The following MARCHF1 variants were observed in gnomAD, a reference collection of about 807,000 sequenced individuals.
MARCHF1 encodes E3 ubiquitin-protein ligase MARCHF1.
A neutral mutation model predicts 54.2 loss-of-function variants in MARCHF1; 40 were observed. The ratio of observed to expected loss-of-function variants is 0.74; its 90% confidence interval spans 0.57 to 0.96. The LOEUF (loss-of-function observed/expected upper bound fraction) is 0.96, where lower values mean the gene tolerates loss of function less well. MARCHF1 is among the 40% of genes least tolerant of loss of function. The pLI, the probability that MARCHF1 is intolerant of heterozygous loss-of-function variation, is 0.00. For synonymous variants in MARCHF1, 236 were observed against 236.3 expected, an observed-to-expected ratio of 1.00 and a Z score of 0.01; for missense variants, 586 against 656.5, an observed-to-expected ratio of 0.89 and a Z score of 1.17.
intron 9 of MARCHF1, among the ~76,000 whole-genome samples, chr4:163,534,832 G>A (rs1012450764): frequency 2.0e-5 from 3 of 151,878 alleles, no homozygotes; most frequent in African/African-American, 2.4e-5. Context: ...CATTTGCAAC[G>A]AACACGTGTT....
intron 1 of MARCHF1, among the ~76,000 whole-genome samples, chr4:164,235,178 G>A (rs905884841): frequency 2.0e-5 from 3 of 151,878 alleles, no homozygotes; most frequent in African/African-American, 4.8e-5. Flanking sequence ...AAACATTCTC[G>A]ATTTTATCCA....
intron 1 of MARCHF1, among the ~76,000 whole-genome samples, chr4:164,118,444 C>CATATAAGT (rs1560912861): frequency 1.3e-5 from 2 of 150,350 alleles, no homozygotes; most frequent in Admixed American, 1.3e-4. Flanking sequence ...TTTGTATAAA[C>CATATAAGT]ATATAAATAA....
At chr4:163,609,284 C>T (rs1741244667) in intron 7 of MARCHF1, among the ~76,000 whole-genome samples, 1 of 152,016 alleles carries the variant, frequency 6.6e-6, no homozygotes, top group African/African-American at 2.4e-5. Flanking sequence ...CTATGTCTTT[C>T]CTAAATCAAC....
intron 5 of MARCHF1, among the ~76,000 whole-genome samples, chr4:163,649,096 T>A (rs1742871434): frequency 6.6e-6 from 1 of 152,070 alleles, no homozygotes; most frequent in Non-Finnish European, 1.5e-5. Context: ...TAGAATATGC[T>A]GAGCTTCACT....
intron 4 of MARCHF1, among the ~76,000 whole-genome samples, chr4:163,706,115 T>C (rs549071714): frequency 1.3e-5 from 2 of 152,070 alleles, no homozygotes; most frequent in Admixed American, 6.6e-5. Flanking sequence ...TGGTTATAGG[T>C]TGCCTAAGGT....
At chr4:163,941,971 G>A (rs1029414880) in intron 3 of MARCHF1, among the ~76,000 whole-genome samples, 2 of 152,056 alleles carry the variant, frequency 1.3e-5, no homozygotes, top group African/African-American at 4.8e-5. Context: ...TTTCTTCTCT[G>A]TGTTTACTTT....
At chr4:164,239,126 T>A (rs1167641166) in intron 1 of MARCHF1, among the ~76,000 whole-genome samples, 2 of 152,116 alleles carry the variant, frequency 1.3e-5, no homozygotes, top group African/African-American at 4.8e-5. Context: ...AATCACTTCA[T>A]TCATTCATGT....
At chr4:163,994,756 C>CACACACAA (rs1753037413) in intron 2 of MARCHF1, among the ~76,000 whole-genome samples, 3 of 127,810 alleles carry the variant, frequency 2.3e-5, no homozygotes, top group African/African-American at 8.8e-5. Context: ...CACACACACA[C>CACACACAA]ACACACACAC....
intron 2 of MARCHF1, among the ~76,000 whole-genome samples, chr4:164,074,027 A>G (rs745962877): frequency 6.6e-6 from 1 of 152,176 alleles, no homozygotes; most frequent in East Asian, 1.9e-4. Flanking sequence ...GATGGTGTCA[A>G]TCTCTTGCCC....
intron 8 of MARCHF1, among the ~76,000 whole-genome samples, chr4:163,563,046 C>T (rs1345720588): frequency 2.0e-5 from 3 of 152,210 alleles, no homozygotes; most frequent in Admixed American, 2.0e-4. Flanking sequence ...GTTCTCCACA[C>T]ATTGCTGTGG....
At chr4:163,714,045 G>C (rs1040721342) in intron 4 of MARCHF1, among the ~76,000 whole-genome samples, 1 of 152,156 alleles carries the variant, frequency 6.6e-6, no homozygotes, top group African/African-American at 2.4e-5. Context: ...CCACCCACAA[G>C]CTATGTAACC....
intron 2 of MARCHF1, among the ~76,000 whole-genome samples, chr4:164,003,349 A>G (rs1046974693): frequency 1.3e-5 from 2 of 152,096 alleles, no homozygotes; most frequent in African/African-American, 4.8e-5. Flanking sequence ...TTACACTTAT[A>G]TTAAATGTAA....
intron 9 of MARCHF1, among the ~76,000 whole-genome samples, chr4:163,535,202 A>T (rs571469852): frequency 1.3e-5 from 2 of 152,060 alleles, no homozygotes; most frequent in East Asian, 3.8e-4. Flanking sequence ...TTGGAAAAAA[A>T]ATTGAGGGGG....
intron 1 of MARCHF1, among the ~76,000 whole-genome samples, chr4:164,264,513 TATC>T (rs1203725136): frequency 1.3e-5 from 2 of 152,148 alleles, no homozygotes; most frequent in African/African-American, 4.8e-5. Context: ...AAAATCTCCT[TATC>T]ATCTACCTGG....
chr4:163,883,664 T>A (rs1242705305), intron 3 of MARCHF1, among the ~76,000 whole-genome samples: 1 of 152,136 alleles, frequency 6.6e-6, no homozygotes, highest in African/African-American at 2.4e-5. Flanking sequence ...TCAAAGAAAA[T>A]TTTTTAGTGT....
chr4:164,145,814 C>G (rs1186431244), intron 1 of MARCHF1, among the ~76,000 whole-genome samples: 15 of 125,274 alleles, frequency 1.2e-4, no homozygotes, highest in Non-Finnish European at 2.2e-4. Context: ...GTTGGAAGTT[C>G]TGGCCAGGGC....
intron 3 of MARCHF1, among the ~76,000 whole-genome samples, chr4:163,888,861 C>T (rs1750595456): frequency 6.6e-6 from 1 of 152,112 alleles, no homozygotes; most frequent in African/African-American, 2.4e-5. Flanking sequence ...CACTGTTTTG[C>T]TGTTGTTCCT....
At chr4:163,775,782 T>C (rs757125176) in intron 4 of MARCHF1, among the ~76,000 whole-genome samples, 5 of 151,806 alleles carry the variant, frequency 3.3e-5, no homozygotes, top group Non-Finnish European at 7.4e-5. Context: ...TGAGTGGATA[T>C]AAAAAAAGGG....
intron 1 of MARCHF1, among the ~76,000 whole-genome samples, chr4:164,178,010 A>G (rs925229666): frequency 1.3e-5 from 2 of 152,170 alleles, no homozygotes; most frequent in Non-Finnish European, 2.9e-5. Context: ...TCACTGAAAT[A>G]TGCTCTTTTA....
Sources: allele counts gnomAD v4.1 joint callset (sites outside exome capture counted in the v4.1 genomes callset), GRCh38; gene constraint gnomAD v4.1.1; transcripts MANE v1.5; gene names NCBI Gene and HGNC (gene_info 2026-07-23, HGNC 2026-07-21).